Variants in FANCA observed in about 807,000 individuals in gnomAD.
FANCA encodes Fanconi anemia group A protein.
FANCA carries 236 observed loss-of-function variants against 194.3 expected under a neutral mutation model. The ratio of observed to expected loss-of-function variants is 1.21; its 90% CI spans 1.09 to 1.35. FANCA has a LOEUF of 1.35. FANCA is among the 40% of genes most tolerant of loss of function. The pLI is 0.00. For missense variants in FANCA, 2,628 were observed against 1,813.9 expected, an observed-to-expected ratio of 1.45 and a Z score of -8.15; for synonymous variants, 1,014 against 715.8, an observed-to-expected ratio of 1.42 and a Z score of -6.65.
intron 2 of FANCA, among the ~76,000 whole-genome samples, chr16:89,815,580 T>G (rs571803517): frequency 1.3e-5 from 2 of 152,232 alleles, no homozygotes; most frequent in South Asian, 4.1e-4. Flanking sequence ...GGTCTCGAAC[T>G]CCTGACCCTG....
intron 14 of FANCA, 48 bp downstream of exon 14, chr16:89,791,355 C>T (rs576331420): frequency 6.2e-7 from 1 of 1,605,706 alleles, no homozygotes; most frequent in Non-Finnish European, 8.5e-7. Context: ...CACTCCCAGG[C>T]CTTCTGGGAA....
rs528049200 is a variant in FANCA at position 89,767,620 on chromosome 16, C to A, written c.2505-383G>T. Among the ~76,000 whole-genome samples, 9 of 152,248 alleles carry A rather than the reference C, an allele frequency of 5.9e-5. 1 individual carries two copies. The South Asian group carries it at 1.9e-3, about 32-fold the overall frequency. ...CCGGAGTAGAGTGGTGCGATTTCGG[C>A]TCACTGCACCCTCCACCTCCCAGGT... On this transcript the variant is annotated intron_variant, in intron 26 of 42. Transcript: ENST00000389301.
At chr16:89,783,772 T>G (rs1332846431) in intron 15 of FANCA, among the ~76,000 whole-genome samples, 1 of 151,960 alleles carries the variant, frequency 6.6e-6, no homozygotes, top group African/African-American at 2.4e-5. Flanking sequence ...CAGCGTGTTT[T>G]TTTCTTTTGA....
intron 17 of FANCA, among the ~76,000 whole-genome samples, chr16:89,782,493 G>C (rs1254659601): frequency 6.7e-6 from 1 of 149,906 alleles, no homozygotes; most frequent in Admixed American, 6.7e-5. Flanking sequence ...CCTGGTGACA[G>C]ACCAAGACTG....
At chr16:89,779,832 T>G in intron 18 of FANCA, 37 bp downstream of exon 18, 1 of 1,576,630 alleles carries the variant, frequency 6.3e-7, no homozygotes, top group Non-Finnish European at 8.7e-7. Flanking sequence ...CTGCACACAC[T>G]GCAGCTGCTA....
chr16:89,754,248 C>CA lies in FANCA; in HGVS notation c.2982-2027dup, dbSNP rs1390041521. Among the ~76,000 whole-genome samples the CA allele has an allele frequency of 1.5e-4, 17 of 117,220 alleles. No individual in the cohort carries two copies. In the South Asian group the frequency reaches 2.4e-3, roughly 17 times the overall value. The allele number at this position is 117,220 out of a possible 152,430, so 76.9% of individuals were successfully genotyped here. ...GAAAAAAAAAAACAAAACAAAACAA[C>CA]AACAAAAAAAACAACACTGCCCGGG... On this transcript the variant is annotated intron_variant, in intron 30 of 42. Coordinates refer to ENST00000389301, the MANE Select transcript of FANCA (RefSeq NM_000135.4).
rs751974019 is a variant in FANCA at position 89,814,628 on chromosome 16, A to G, written c.190-15T>C. 1.3e-6 allele frequency: 2 copies of G among 1,589,012 alleles called. No homozygotes were observed. The highest frequency in any genetic ancestry group is 1.7e-5 in the Admixed American group (1 of 59,964). On this transcript the variant is annotated splice_polypyrimidine_tract_variant and intron_variant, in intron 2 of 42. Coordinates refer to ENST00000389301, the MANE Select transcript of FANCA (RefSeq NM_000135.4). ...GGACCTTCTACCTAGAATCCAAAAC[A>G]CAACAAACTCCATTTAAAAAATTCA...
chr16:89,759,907 G>GGGGTGCTCCACCCACGCTGTCCGGGATCT (rs1567610765), intron 29 of FANCA, among the ~76,000 whole-genome samples: 15 of 151,452 alleles, frequency 9.9e-5, no homozygotes, highest in Admixed American at 2.6e-4. Context: ...GTCCGGGACT[G>GGGGTGCTCCACCCACGCTGTCCGGGATCT]GGGTGCTCCA....
intron 17 of FANCA, among the ~76,000 whole-genome samples, chr16:89,781,207 A>AAT (rs2039687967): frequency 6.6e-6 from 1 of 151,248 alleles, no homozygotes; most frequent in African/African-American, 2.4e-5. Context: ...TACTAAAAAC[A>AAT]CACAAAATTA....
chr16:89,752,033 G>T, intron 31 of FANCA, 105 bp downstream of exon 31: 1 of 990,442 alleles, frequency 1.0e-6, no homozygotes, highest in Non-Finnish European at 1.6e-6. Flanking sequence ...GCCTCCCAAA[G>T]TTCTGGGATT....
chr16:89,808,776 T>C (rs1039629022), intron 5 of FANCA, among the ~76,000 whole-genome samples: 2 of 152,056 alleles, frequency 1.3e-5, no homozygotes, highest in Admixed American at 1.3e-4. Context: ...TGCATGTCCC[T>C]TGTCTTTCTC....
chr16:89,797,293 T>C (rs1416432053), intron 10 of FANCA, among the ~76,000 whole-genome samples: 1 of 152,092 alleles, frequency 6.6e-6, no homozygotes, highest in Non-Finnish European at 1.5e-5. Context: ...ATCGTGCCAC[T>C]GCACTCCAGC....
chr16:89,782,809 G>T (rs368332402), intron 17 of FANCA, 50 bp downstream of exon 17: 9 of 1,509,188 alleles, frequency 6.0e-6, no homozygotes, highest in African/African-American at 1.4e-5. Context: ...CTGGACCTTT[G>T]CATGGTGGGC....
intron 11 of FANCA, among the ~76,000 whole-genome samples, chr16:89,794,547 T>C (rs1313890645): frequency 6.6e-6 from 1 of 151,686 alleles, no homozygotes; most frequent in Non-Finnish European, 1.5e-5. Context: ...AAAAAATAAA[T>C]AAATACATAA....
In FANCA at chr16:89,746,863, G is replaced by C; in HGVS notation, c.3376C>G (p.Leu1126Val). Residue 1126 changes from leucine (L) to valine (V), a missense_variant, in exon 34 of 43, where the codon CTG (leucine) becomes GTG (valine). Physicochemically the swap from Leu to Val is conservative, Grantham distance 32 (BLOSUM62 1). Coordinates refer to ENST00000389301, the MANE Select transcript of FANCA (RefSeq NM_000135.4). ...MRNFCSHGGA[L>V]TQDITAHFFR... ...AAGTGGGCAGTGATGTCCTGTGTCA[G>C]GGCACCTCCGTGGGAGCAGAAGTTT... 1 of 1,561,408 alleles carries C rather than the reference G, an allele frequency of 6.4e-7. No individual in the cohort carries two copies. The highest frequency in any genetic ancestry group is 8.7e-7 in the Non-Finnish European group (1 of 1,151,710).
Position 89,749,785 on chromosome 16 carries a change from C to A in FANCA, c.3184G>T (p.Gly1062Trp), listed in dbSNP as rs142379991. Residue 1062 changes from glycine to tryptophan, a missense_variant, in exon 32 of 43, where the codon GGG (glycine) becomes TGG (tryptophan). Gly to Trp is a radical substitution (Grantham distance 184). Coordinates refer to ENST00000389301, the MANE Select transcript of FANCA (RefSeq NM_000135.4). ...FRRRLQALTS[G>W]WSVAASLQRQ... ...TGAAGGCTGGCAGCCACGCTCCACC[C>A]GCTTGTCAGAGCCTGGAGCCGTCTG... 6.2e-7 allele frequency: 1 copy of A among 1,614,232 alleles called. No homozygotes were observed. The highest frequency in any genetic ancestry group is 8.5e-7 in the Non-Finnish European group (1 of 1,180,036).
chr16:89,777,592 C>G (rs1567624503), intron 20 of FANCA, among the ~76,000 whole-genome samples: 1 of 151,534 alleles, frequency 6.6e-6, no homozygotes, highest in Non-Finnish European at 1.5e-5. Flanking sequence ...AAAAAAGGCT[C>G]TTTGTGTTTA....
chr16:89,767,298 AG>A, intron 26 of FANCA, 61 bp from the exon 27 acceptor site: 1 of 1,208,396 alleles, frequency 8.3e-7, no homozygotes, highest in Non-Finnish European at 1.2e-6. Context: ...TGAAGGAAAA[AG>A]TTACTTTGAA....
intron 10 of FANCA, among the ~76,000 whole-genome samples, chr16:89,797,019 G>A (rs1476580109): frequency 2.0e-5 from 3 of 152,186 alleles, no homozygotes; most frequent in Non-Finnish European, 4.4e-5. Flanking sequence ...AATTAGCCGG[G>A]CATGGTGGTG....
Sources: gnomAD v4.1 joint callset for allele counts (sites outside exome capture counted in the v4.1 genomes callset) on GRCh38, gnomAD v4.1.1 for gene constraint, MANE v1.5 for transcripts, NCBI Gene and HGNC (gene_info 2026-07-23, HGNC 2026-07-21) for gene names.